The following NRCAM variants were observed in gnomAD, a reference collection of about 807,000 sequenced individuals.
NRCAM encodes NgCAM-related cell adhesion molecule.
NRCAM carries 83 observed loss-of-function variants against 156.5 expected under a neutral mutation model. The ratio of observed to expected loss-of-function variants is 0.53; its 90% CI spans 0.44 to 0.64. NRCAM has a LOEUF of 0.64. Ranked by LOEUF, NRCAM falls within the 30% of genes least tolerant of loss-of-function variation. The pLI is 0.00. For synonymous variants in NRCAM, 538 were observed against 563.9 expected, an observed-to-expected ratio of 0.95 and a Z score of 0.65; for missense variants, 1,417 against 1,597.3, an observed-to-expected ratio of 0.89 and a Z score of 1.92.
In NRCAM at chr7:108,365,606, G is replaced by A. The variant is rs371828524; in HGVS notation, c.-174+33830C>T. 2.0e-3 allele frequency among the ~76,000 whole-genome samples: 295 copies of A among 149,752 alleles called. 1 individual carries two copies. Among genetic ancestry groups the A allele is most frequent in the Non-Finnish European group, 3.3e-3 (227 of 67,976 alleles). ...AATTATTAATTTATTCTTCCTTCTC[G>A]TATTCAGACAGATACATATTCAGGA... On this transcript the variant is annotated intron_variant, in intron 2 of 32. Coordinates refer to ENST00000379028, the MANE Select transcript of NRCAM (RefSeq NM_001037132.4).
intron 3 of NRCAM, among the ~76,000 whole-genome samples, chr7:108,244,082 T>C (rs1005070648): frequency 6.6e-6 from 1 of 152,086 alleles, no homozygotes; most frequent in African/African-American, 2.4e-5. Flanking sequence ...AGAAGGAAAA[T>C]AAAACCTTTC....
chr7:108,168,529 G>T (rs1437652832), intron 28 of NRCAM, 127 bp from the exon 29 acceptor site: 3 of 819,542 alleles, frequency 3.7e-6, no homozygotes, highest in Non-Finnish European at 5.0e-6. Flanking sequence ...CTAAAATTTA[G>T]GGTTCACTCA....
At chr7:108,397,337 T>C (rs1436088650) in intron 2 of NRCAM, among the ~76,000 whole-genome samples, 1 of 152,040 alleles carries the variant, frequency 6.6e-6, no homozygotes, top group Non-Finnish European at 1.5e-5. Context: ...AGGAAAAAAA[T>C]CAGTAAGCTA....
intron 19 of NRCAM, among the ~76,000 whole-genome samples, chr7:108,190,718 G>T: frequency 1.3e-5 from 2 of 151,984 alleles, no homozygotes; most frequent in South Asian, 2.1e-4. Flanking sequence ...CCCTCCTTTT[G>T]GTCTTTCTTG....
At chr7:108,277,958 G>A (rs2097704303) in intron 3 of NRCAM, among the ~76,000 whole-genome samples, 1 of 152,162 alleles carries the variant, frequency 6.6e-6, no homozygotes, top group African/African-American at 2.4e-5. Flanking sequence ...TGATGCTATT[G>A]CTTCCTGTTT....
chr7:108,351,431 G>T (rs2099411821), intron 2 of NRCAM, among the ~76,000 whole-genome samples: 1 of 152,176 alleles, frequency 6.6e-6, no homozygotes, highest in Non-Finnish European at 1.5e-5. Flanking sequence ...GGGTCATGGA[G>T]GTCCCTTACA....
intron 2 of NRCAM, among the ~76,000 whole-genome samples, chr7:108,349,587 C>A (rs2099396809): frequency 6.6e-6 from 1 of 152,018 alleles, no homozygotes; most frequent in Non-Finnish European, 1.5e-5. Context: ...ACTCTTAAAT[C>A]TTGTTCTTAG....
chr7:108,451,159 C>T (rs11762280), intron 1 of NRCAM, among the ~76,000 whole-genome samples: 4,480 of 150,294 alleles, frequency 0.03, 89 homozygotes, highest in Non-Finnish European at 0.045. Context: ...GCAGAGGTTG[C>T]AGTGAGCCGA....
chr7:108,197,891 T>C (rs1426225489), intron 14 of NRCAM, 65 bp downstream of exon 14: 17 of 1,296,448 alleles, frequency 1.3e-5, no homozygotes, highest in African/African-American at 3.0e-5. Context: ...TTTTTGCTGA[T>C]TGAACAGAAA....
At chr7:108,368,954 G>A (rs1317692053) in intron 2 of NRCAM, among the ~76,000 whole-genome samples, 1 of 151,942 alleles carries the variant, frequency 6.6e-6, no homozygotes, top group Non-Finnish European at 1.5e-5. Flanking sequence ...CTAAAATAGG[G>A]GGATTTAACA....
At chr7:108,181,096 T>A (rs79484017) in intron 24 of NRCAM, among the ~76,000 whole-genome samples, 11 of 152,114 alleles carry the variant, frequency 7.2e-5, no homozygotes, top group African/African-American at 2.7e-4. Context: ...TGGTCACAAA[T>A]CCAGAATTGT....
chr7:108,364,302 G>A (rs911624899), intron 2 of NRCAM, among the ~76,000 whole-genome samples: 3 of 152,164 alleles, frequency 2.0e-5, no homozygotes, highest in Non-Finnish European at 2.9e-5. Flanking sequence ...AAATCACAGT[G>A]AGATATCACT....
intron 2 of NRCAM, among the ~76,000 whole-genome samples, chr7:108,393,475 C>T (rs2099767767): frequency 6.6e-6 from 1 of 152,132 alleles, no homozygotes; most frequent in South Asian, 2.1e-4. Context: ...TTCCAGGTGC[C>T]ATCTGTCACA....
chr7:108,245,940 T>C (rs890956001), intron 3 of NRCAM, among the ~76,000 whole-genome samples: 11 of 150,414 alleles, frequency 7.3e-5, no homozygotes, highest in African/African-American at 2.5e-4. Context: ...AGACAAATGA[T>C]GAAGCATAGT....
intron 32 of NRCAM, among the ~76,000 whole-genome samples, chr7:108,152,550 G>T (rs959060184): frequency 1.6e-4 from 24 of 151,848 alleles, no homozygotes; most frequent in African/African-American, 5.6e-4. Flanking sequence ...GGGTTTCAAA[G>T]AATAAGTGAC....
At chr7:108,257,478 A>G (rs184761001) in intron 3 of NRCAM, among the ~76,000 whole-genome samples, 142 of 152,320 alleles carry the variant, frequency 9.3e-4, no homozygotes, top group African/African-American at 3.3e-3. Flanking sequence ...CTCTAGTCCC[A>G]GTATAAATTC....
chr7:108,179,352 G>A (rs890089486), intron 25 of NRCAM, among the ~76,000 whole-genome samples: 6 of 152,160 alleles, frequency 3.9e-5, no homozygotes, highest in Non-Finnish European at 8.8e-5. Context: ...GGTTCTCAGA[G>A]GCTGCTGGGC....
At chr7:108,452,413 G>A (rs1851480443) in intron 1 of NRCAM, among the ~76,000 whole-genome samples, 1 of 152,068 alleles carries the variant, frequency 6.6e-6, no homozygotes, top group Non-Finnish European at 1.5e-5. Flanking sequence ...TGCTGTGGGG[G>A]GGGGAAGAAA....
At chr7:108,342,596 T>A (rs1393174122) in intron 2 of NRCAM, among the ~76,000 whole-genome samples, 1 of 152,216 alleles carries the variant, frequency 6.6e-6, no homozygotes, top group Non-Finnish European at 1.5e-5. Flanking sequence ...TTAATAAGCT[T>A]GCCAACGGGG....
Sources: gnomAD v4.1 joint callset for allele counts (sites outside exome capture counted in the v4.1 genomes callset) on GRCh38, gnomAD v4.1.1 for gene constraint, MANE v1.5 for transcripts, NCBI Gene and HGNC (gene_info 2026-07-23, HGNC 2026-07-21) for gene names.